The following BRSK1 variants were observed in gnomAD, a reference collection of about 807,000 sequenced individuals.
BRSK1 encodes serine/threonine-protein kinase BRSK1.
BRSK1 carries 17 observed loss-of-function variants against 86.2 expected under a neutral mutation model. The observed-to-expected ratio is 0.20, with a 90% CI of 0.14 to 0.30. BRSK1 has a LOEUF of 0.30. BRSK1 is among the 10% of genes least tolerant of loss of function. BRSK1 has a pLI of 1.00. For synonymous variants in BRSK1, 464 were observed against 440.1 expected (o/e 1.05, Z -0.68); for missense variants, 719 against 1,071.9 (o/e 0.67, Z 4.60).
rs757717916 is a variant in BRSK1, at chr19:55,305,309, TC to T, written c.1718-7del. Reference sequence around the variant, plus strand: ...CAGGTGTTGACCACGTTCTCTGCCTTCCCCCTACCAGTCCCTACCGCTGAGG... The same window carrying T: ...CAGGTGTTGACCACGTTCTCTGCCTTCCCCTACCAGTCCCTACCGCTGAGG... On this transcript the variant is annotated splice_polypyrimidine_tract_variant and intron_variant, in intron 14 of 18. Coordinates refer to ENST00000309383, the MANE Select transcript of BRSK1 (RefSeq NM_032430.2). 12 of 1,613,622 alleles carry T rather than the reference TC, an allele frequency of 7.4e-6. No homozygotes were observed. In the African/African-American group the frequency reaches 1.5e-4, roughly 20 times the overall value.
chr19:55,289,564 A>C lies in BRSK1; in HGVS notation c.402A>C (p.Arg134=). The change falls in exon 4 of 19, where the codon CGA becomes CGC. Residue 134 remains arginine, a synonymous_variant. Coordinates refer to ENST00000309383, the MANE Select transcript of BRSK1 (RefSeq NM_032430.2). ...GGAGACTGACGCCCAAGGAGGCCCG[A>C]AAGTTCTTCCGCCAGATTGTGTCTG... The part of the protein sequence containing the change: ...KKGRLTPKEA[R]KFFRQIVSAL... 2 of 1,614,094 alleles carry C rather than the reference A, an allele frequency of 1.2e-6. No individual in the cohort carries two copies. The highest frequency in any genetic ancestry group is 1.7e-6 in the Non-Finnish European group (2 of 1,179,998).
Position 55,304,453 on chromosome 19 carries a change from A to G in BRSK1, c.1348-98A>G. The G allele has an allele frequency of 1.5e-6, 2 of 1,358,086 alleles. No individual in the cohort carries two copies. Among genetic ancestry groups the G allele is most frequent in the African/African-American group, 1.5e-5 (1 of 67,700 alleles). 84.1% of individuals were successfully genotyped at this position (1,358,086 alleles called of 1,614,324 possible). On this transcript the variant is annotated intron_variant, in intron 13 of 18. Transcript: ENST00000309383. The surrounding 1 kb of genome is among the most constrained non-coding windows in gnomAD (Gnocchi z 5.2). Reference sequence around the variant, plus strand: ...ACTTGGACTACAAGTTGCAGCATGCACCGGGCCAGCGTCCGTGAGTGTGCG... The same window carrying G: ...ACTTGGACTACAAGTTGCAGCATGCGCCGGGCCAGCGTCCGTGAGTGTGCG...
At chr19:55,286,460 T>C (rs1600168515) in intron 1 of BRSK1, among the ~76,000 whole-genome samples, 1 of 149,258 alleles carries the variant, frequency 6.7e-6, no homozygotes, top group East Asian at 2.0e-4. Flanking sequence ...AGGCTGGGGG[T>C]TCAGGAGAAG....
At position 55,302,929 on chromosome 19, in the gene BRSK1, C is replaced by T. The variant is rs2088593603; in HGVS notation, c.1028+62C>T. 9.6e-6 allele frequency: 15 copies of T among 1,568,428 alleles called. No homozygotes were observed. Among genetic ancestry groups the T allele is most frequent in the South Asian group, 4.6e-5 (4 of 86,386 alleles). ...TGGGGCGAGCTGCAGCAGCTCCCTG[C>T]GCACATGCAGAGTGCTGGGCGAGGA... is the stretch of plus-strand genomic sequence containing the variant. On this transcript the variant is annotated intron_variant, in intron 10 of 18. Coordinates refer to ENST00000309383, the MANE Select transcript of BRSK1 (RefSeq NM_032430.2). This position sits in a 1 kb window ranked among gnomAD's most constrained non-coding sequence, Gnocchi z 6.3.
intron 1 of BRSK1, among the ~76,000 whole-genome samples, chr19:55,285,807 G>A (rs2088301336): frequency 6.6e-6 from 1 of 152,148 alleles, no homozygotes; most frequent in South Asian, 2.1e-4. Context: ...CAGGAGTGGG[G>A]ACCGACTGGG....
At chr19:55,305,261 G>C (rs1322919460) in intron 14 of BRSK1, 60 bp from the exon 15 acceptor site, 31 of 1,601,082 alleles carry the variant, frequency 1.9e-5, no homozygotes, top group Non-Finnish European at 2.6e-5. Flanking sequence ...GCAGGCCTGT[G>C]TGCTGGCAAC....
rs762718736 is a variant in BRSK1 at position 55,304,933 on chromosome 19, G to A, written c.1717+13G>A. 8 of 1,604,430 alleles carry A rather than the reference G, an allele frequency of 5.0e-6. No individual in the cohort carries two copies. Among genetic ancestry groups the A allele is most frequent in the Non-Finnish European group, 6.8e-6 (8 of 1,179,544 alleles). On this transcript the variant is annotated intron_variant, in intron 14 of 18. Coordinates refer to ENST00000309383, the MANE Select transcript of BRSK1 (RefSeq NM_032430.2). This position sits in a 1 kb window ranked among gnomAD's most constrained non-coding sequence, Gnocchi z 5.2. ...CGCAAGATGCAGGGTATGGGGGCATGAACTGCCGAGTCCTAATGTGGGGAG... is the reference window on the plus strand; with the variant it reads ...CGCAAGATGCAGGGTATGGGGGCATAAACTGCCGAGTCCTAATGTGGGGAG...
At position 55,284,565 on chromosome 19, in the gene BRSK1, C is replaced by G; in HGVS notation, c.123C>G (p.Gly41=). ...VGPYRLEKTL[G]KGQTGLVKLG... ...CCTATCGGCTGGAGAAGACGCTGGG[C>G]AAAGGACAGACAGGTGAGCCTAGCA... The change falls in exon 1 of 19, where the codon GGC becomes GGG. Residue 41 remains glycine, a synonymous_variant. Transcript: ENST00000309383. The G allele has an allele frequency of 9.4e-7, 1 of 1,069,114 alleles. No homozygotes were observed. Among genetic ancestry groups the G allele is most frequent in the Non-Finnish European group, 1.2e-6 (1 of 867,578 alleles). 66.2% of individuals were successfully genotyped at this position (1,069,114 alleles called of 1,614,324 possible). A position where few individuals can be genotyped will look rare whatever the true frequency, so the allele number is the denominator to read the frequency against.
intron 7 of BRSK1, among the ~76,000 whole-genome samples, chr19:55,299,105 G>A (rs1365756408): frequency 6.6e-6 from 1 of 152,100 alleles, no homozygotes; most frequent in African/African-American, 2.4e-5. Context: ...GCAGTGAGCC[G>A]AGGTCATGCC....
chr19:55,305,617 C>A, intron 16 of BRSK1, 31 bp downstream of exon 16: 2 of 1,613,154 alleles, frequency 1.2e-6, no homozygotes, highest in African/African-American at 1.3e-5. Flanking sequence ...TCGAGCCTGG[C>A]CCCCGCAGAA....
intron 8 of BRSK1, 79 bp downstream of exon 8, chr19:55,301,737 G>A (rs1355029840): frequency 2.7e-6 from 4 of 1,499,728 alleles, no homozygotes; most frequent in Admixed American, 4.1e-5. Context: ...CATGGGGATG[G>A]GTTTCCAGAA....
chr19:55,295,838 G>A (rs527520093), intron 7 of BRSK1, among the ~76,000 whole-genome samples: 14 of 152,232 alleles, frequency 9.2e-5, no homozygotes, highest in African/African-American at 2.2e-4. Flanking sequence ...GCTTGGTGGC[G>A]CATGCCTGTA....
Position 55,304,709 on chromosome 19 carries a change from G to T in BRSK1, c.1506G>T (p.Leu502=). Residue 502 remains leucine (L), a synonymous_variant, in exon 14 of 19, where the codon CTG becomes CTT. Coordinates refer to ENST00000309383, the MANE Select transcript of BRSK1 (RefSeq NM_032430.2). The surrounding 1 kb of genome is among the most constrained non-coding windows in gnomAD (Gnocchi z 5.2). ...CCCCCAGTGCCCGCTCCACACCCCT[G>T]CCCGGCCCCCCAGGCTCCCCGCGCT... is the stretch of plus-strand genomic sequence containing the variant. ...PPPPSARSTP[L]PGPPGSPRSS... 2.7e-6 allele frequency: 4 copies of T among 1,496,838 alleles called. No individual in the cohort carries two copies. The highest frequency in any genetic ancestry group is 3.5e-6 in the Non-Finnish European group (4 of 1,129,796). The allele number at this position is 1,496,838 out of a possible 1,614,324, so 92.7% of individuals were successfully genotyped here.
At chr19:55,308,594 T>G in intron 17 of BRSK1, 45 bp from the exon 18 acceptor site, 3 of 1,508,864 alleles carry the variant, frequency 2.0e-6, no homozygotes, top group Non-Finnish European at 2.8e-6. Flanking sequence ...GCCTTCCCGG[T>G]CCTGGACCCC....
At chr19:55,291,363 AT>A (rs34055741) in intron 4 of BRSK1, among the ~76,000 whole-genome samples, 22,356 of 151,922 alleles carry the variant, frequency 0.15, 1,853 homozygotes, top group Middle Eastern at 0.21. Context: ...ACAAAGTGAG[AT>A]TCCCCCCATC....
chr19:55,292,561 C>T lies in BRSK1; in HGVS notation c.459-1456C>T, dbSNP rs573845673. On this transcript the variant is annotated intron_variant, in intron 4 of 18. Coordinates refer to ENST00000309383, the MANE Select transcript of BRSK1 (RefSeq NM_032430.2). ...TTATAAAAAGTTTCCAGGCCGGGCG[C>T]GGTGGCTCACGCCTGTAATCCCAGC... Among the ~76,000 whole-genome samples, 108 of 151,620 alleles carry T rather than the reference C, an allele frequency of 7.1e-4. 1 individual carries two copies. The South Asian group carries it at 7.9e-3, about 11-fold the overall frequency.
chr19:55,288,590 G>T (rs1165360345), intron 3 of BRSK1, among the ~76,000 whole-genome samples: 2 of 151,500 alleles, frequency 1.3e-5, no homozygotes, highest in African/African-American at 4.9e-5. Flanking sequence ...TTTTTTTGTT[G>T]TTTTGTTTTT....
In BRSK1 at chr19:55,294,525, A is replaced by G; in HGVS notation, c.678+128A>G. 1.6e-6 allele frequency: 2 copies of G among 1,226,096 alleles called. No homozygotes were observed. Among genetic ancestry groups the G allele is most frequent in the Non-Finnish European group, 2.3e-6 (2 of 886,458 alleles). The allele number at this position is 1,226,096 out of a possible 1,614,324, so 76.0% of individuals were successfully genotyped here. A position where few individuals can be genotyped will look rare whatever the true frequency, so the allele number is the denominator to read the frequency against. ...GAATTTTATTTATTTATTTTGAGAC[A>G]GAGTCTTGCCCCGTCGCCTAGGCTG... On this transcript the variant is annotated intron_variant, in intron 7 of 18. Coordinates refer to ENST00000309383, the MANE Select transcript of BRSK1 (RefSeq NM_032430.2). The surrounding 1 kb of genome is among the most constrained non-coding windows in gnomAD (Gnocchi z 4.9).
intron 1 of BRSK1, among the ~76,000 whole-genome samples, chr19:55,286,114 T>TG (rs1296854418): frequency 1.8e-4 from 2 of 11,188 alleles, no homozygotes; most frequent in East Asian, 2.7e-3. Flanking sequence ...GAGGAGGGGC[T>TG]GGGGGCCTGG....
Sources: gnomAD v4.1 joint callset for allele counts (sites outside exome capture counted in the v4.1 genomes callset) on GRCh38, gnomAD v4.1.1 for gene constraint, Gnocchi (gnomAD v3.1) non-coding constraint, MANE v1.5 for transcripts, NCBI Gene and HGNC (gene_info 2026-07-23, HGNC 2026-07-21) for gene names.